KDM7A: variants seen among roughly 807,000 people sequenced by gnomAD.
KDM7A encodes lysine demethylase 7A, also known as lysine-specific demethylase 7A.
In KDM7A, 28 loss-of-function variants were observed where a neutral mutation model predicts 114.8. The observed-to-expected ratio is 0.24, with a 90% CI of 0.18 to 0.33. KDM7A has a LOEUF of 0.33. Ranked by LOEUF, KDM7A falls within the 10% of genes least tolerant of loss-of-function variation. KDM7A has a pLI of 1.00. For synonymous variants in KDM7A, 423 were observed against 397.8 expected (o/e 1.06, Z -0.75); for missense variants, 942 against 1,142.5 (o/e 0.82, Z 2.53).
At chr7:140,138,235 G>A (rs1055918013) in intron 2 of KDM7A, among the ~76,000 whole-genome samples, 5 of 151,882 alleles carry the variant, frequency 3.3e-5, no homozygotes, top group African/African-American at 9.7e-5. Flanking sequence ...TTAAGCCCAG[G>A]AAGTCAAGGC....
intron 1 of KDM7A, among the ~76,000 whole-genome samples, chr7:140,162,035 T>C (rs1794525701): frequency 6.6e-6 from 1 of 152,060 alleles, no homozygotes; most frequent in African/African-American, 2.4e-5. Flanking sequence ...CATCAAACTG[T>C]TATAATTACT....
intron 2 of KDM7A, among the ~76,000 whole-genome samples, chr7:140,135,441 T>C (rs898858031): frequency 6.6e-6 from 1 of 152,178 alleles, no homozygotes; most frequent in African/African-American, 2.4e-5. Flanking sequence ...GACCTTGTGA[T>C]CCGCCCACCT....
intron 1 of KDM7A, among the ~76,000 whole-genome samples, chr7:140,172,150 C>T (rs1342808188): frequency 6.6e-6 from 1 of 152,102 alleles, no homozygotes; most frequent in African/African-American, 2.4e-5. Context: ...GACAGTTTGG[C>T]AATAGGCACA....
At chr7:140,162,994 TC>T (rs1302824131) in intron 1 of KDM7A, among the ~76,000 whole-genome samples, 1 of 149,770 alleles carries the variant, frequency 6.7e-6, no homozygotes, top group East Asian at 1.9e-4. Flanking sequence ...TGCTTTTCTT[TC>T]CTTTTTTTTT....
intron 1 of KDM7A, among the ~76,000 whole-genome samples, chr7:140,139,744 T>C (rs1314012104): frequency 6.6e-6 from 1 of 152,046 alleles, no homozygotes; most frequent in African/African-American, 2.4e-5. Context: ...AAAAAACACG[T>C]AATACAGCAT....
intron 6 of KDM7A, among the ~76,000 whole-genome samples, chr7:140,125,590 A>T (rs1347604220): frequency 1.3e-5 from 2 of 152,224 alleles, no homozygotes; most frequent in South Asian, 2.1e-4. Flanking sequence ...TTTTTGAGAT[A>T]GGGTCTCGCT....
intron 2 of KDM7A, among the ~76,000 whole-genome samples, chr7:140,135,698 G>T (rs1818859519): frequency 6.6e-6 from 1 of 151,974 alleles, no homozygotes; most frequent in South Asian, 2.1e-4. Flanking sequence ...TGAAATTCAT[G>T]TTTGTATATA....
intron 1 of KDM7A, among the ~76,000 whole-genome samples, chr7:140,162,591 A>G (rs1794532621): frequency 1.2e-5 from 1 of 86,404 alleles, no homozygotes; most frequent in African/African-American, 7.4e-5. Flanking sequence ...TAAGAATCTT[A>G]AATTTGTATA....
intron 9 of KDM7A, among the ~76,000 whole-genome samples, chr7:140,114,524 C>G (rs1263778778): frequency 6.6e-6 from 1 of 151,958 alleles, no homozygotes; most frequent in African/African-American, 2.4e-5. Context: ...GCTACAACCT[C>G]CACCTCCCAG....
intron 1 of KDM7A, among the ~76,000 whole-genome samples, chr7:140,172,871 A>G (rs982083142): frequency 6.6e-6 from 1 of 152,188 alleles, no homozygotes; most frequent in African/African-American, 2.4e-5. Context: ...CACATACCAC[A>G]TTATTAATAA....
chr7:140,122,591 C>T (rs948047382), intron 7 of KDM7A, among the ~76,000 whole-genome samples: 3 of 152,212 alleles, frequency 2.0e-5, no homozygotes, highest in African/African-American at 7.2e-5. Flanking sequence ...CCTGCAGGGA[C>T]AGATCCCTGT....
intron 1 of KDM7A, among the ~76,000 whole-genome samples, chr7:140,157,331 A>G (rs1276464284): frequency 6.6e-6 from 1 of 152,250 alleles, no homozygotes; most frequent in Non-Finnish European, 1.5e-5. Context: ...CTCAGCTACC[A>G]TGAATCTCTT....
rs115603984 is a variant in KDM7A at position 140,172,111 on chromosome 7, A to G, written c.194+4633T>C. 4.3e-3 allele frequency among the ~76,000 whole-genome samples: 654 copies of G among 152,272 alleles called. 8 individuals carry two copies. Among genetic ancestry groups the G allele is most frequent in the African/African-American group, 0.014 (595 of 41,550 alleles). On this transcript the variant is annotated intron_variant, in intron 1 of 19. Coordinates refer to ENST00000397560, the MANE Select transcript of KDM7A (RefSeq NM_030647.2). ...AACTAAAAGTGGACACTGTAGGTGA[A>G]AGTAGAAATCGGCATAACCTTTCTG... is the stretch of plus-strand genomic sequence containing the variant.
chr7:140,110,558 TGAA>T (rs1341884700), intron 11 of KDM7A, among the ~76,000 whole-genome samples: 3 of 152,180 alleles, frequency 2.0e-5, no homozygotes, highest in Non-Finnish European at 4.4e-5. Flanking sequence ...ACAACCTTCT[TGAA>T]GAATTACTTT....
At chr7:140,136,626 A>G (rs1818875060) in intron 2 of KDM7A, among the ~76,000 whole-genome samples, 1 of 152,222 alleles carries the variant, frequency 6.6e-6, no homozygotes, top group Non-Finnish European at 1.5e-5. Context: ...TAAATTCACC[A>G]TATGAAGTAG....
At chr7:140,104,190 C>A (rs1818286171) in intron 11 of KDM7A, among the ~76,000 whole-genome samples, 1 of 152,132 alleles carries the variant, frequency 6.6e-6, no homozygotes. Context: ...TGTTTGAGTT[C>A]TTTGTAGATG....
At chr7:140,119,058 G>C (rs769653103) in intron 9 of KDM7A, 55 bp downstream of exon 9, 1 of 1,001,646 alleles carries the variant, frequency 1.0e-6, no homozygotes, top group Non-Finnish European at 1.5e-6. Context: ...GGCTATGAGT[G>C]AATTTACAAA....
chr7:140,114,306 T>C (rs1360960685), intron 9 of KDM7A, among the ~76,000 whole-genome samples: 1 of 152,096 alleles, frequency 6.6e-6, no homozygotes, highest in Non-Finnish European at 1.5e-5. Flanking sequence ...TGCCTGGGAT[T>C]GCAGGCGCGC....
At chr7:140,126,598 T>C in intron 6 of KDM7A, 39 bp downstream of exon 6, 1 of 1,372,454 alleles carries the variant, frequency 7.3e-7, no homozygotes, top group South Asian at 1.5e-5. Flanking sequence ...GGGCTATATG[T>C]TTTTGTCAGT....
Sources: allele counts gnomAD v4.1 joint callset (sites outside exome capture counted in the v4.1 genomes callset), GRCh38; gene constraint gnomAD v4.1.1; transcripts MANE v1.5; gene names NCBI Gene and HGNC (gene_info 2026-07-23, HGNC 2026-07-21).